The following TAX1BP1 variants were observed in gnomAD, a reference collection of about 807,000 sequenced individuals.
TAX1BP1 encodes the protein Tax1 binding protein 1.
In TAX1BP1, 62 loss-of-function variants were observed where a neutral mutation model predicts 97.7. The observed-to-expected ratio is 0.63, with a 90% CI of 0.52 to 0.78. The LOEUF is 0.78. Among genes scored for constraint, TAX1BP1 ranks in the 30% least tolerant of loss-of-function variants. The pLI is 0.00. For synonymous variants in TAX1BP1, 340 were observed against 304.2 expected, an observed-to-expected ratio of 1.12 and a Z score of -1.23; for missense variants, 867 against 916.1, an observed-to-expected ratio of 0.95 and a Z score of 0.69.
chr7:27,789,904 T>C (rs185443287), intron 8 of TAX1BP1, among the ~76,000 whole-genome samples: 17 of 152,114 alleles, frequency 1.1e-4, no homozygotes, highest in African/African-American at 3.1e-4. Context: ...AAAATTTCTC[T>C]AAGCATCTTT....
chr7:27,761,449 C>G (rs1012460224), intron 3 of TAX1BP1, among the ~76,000 whole-genome samples: 3 of 152,118 alleles, frequency 2.0e-5, no homozygotes, highest in African/African-American at 7.2e-5. Context: ...AGAACAATAA[C>G]TTCACTCCCC....
chr7:27,772,149 TTA>T (rs1788869742), intron 5 of TAX1BP1: 3 of 90,752 alleles, frequency 3.3e-5, no homozygotes, highest in African/African-American at 5.5e-5. Flanking sequence ...CAATGGACTT[TTA>T]GTTTTTTTTT....
chr7:27,811,769 G>A (rs1391972073), intron 13 of TAX1BP1, among the ~76,000 whole-genome samples: 1 of 151,954 alleles, frequency 6.6e-6, no homozygotes, highest in African/African-American at 2.4e-5. Context: ...GTCCCCTCCT[G>A]CTACCCCCCT....
chr7:27,806,058 G>A (rs1332365646), intron 13 of TAX1BP1, among the ~76,000 whole-genome samples: 2 of 151,132 alleles, frequency 1.3e-5, no homozygotes, highest in Non-Finnish European at 1.5e-5. Flanking sequence ...GAGTTCACTT[G>A]TGTTTTGTTC....
intron 1 of TAX1BP1, among the ~76,000 whole-genome samples, chr7:27,742,943 C>G (rs1337485321): frequency 6.6e-6 from 1 of 152,232 alleles, no homozygotes; most frequent in East Asian, 1.9e-4. Flanking sequence ...TTGTATACTT[C>G]TTTTGGGGAC....
intron 13 of TAX1BP1, among the ~76,000 whole-genome samples, chr7:27,812,697 C>A (rs73297523): frequency 0.041 from 6,255 of 151,882 alleles, 403 homozygotes; most frequent in African/African-American, 0.14. Flanking sequence ...ATATAAGTAC[C>A]CAGTTTTTAA....
In TAX1BP1 at chr7:27,787,403, CA is replaced by C. The variant is rs1433314503; in HGVS notation, c.853-12del. The C allele has an allele frequency of 6.4e-7, 1 of 1,570,522 alleles. No homozygotes were observed. Among genetic ancestry groups the C allele is most frequent in the Non-Finnish European group, 8.6e-7 (1 of 1,161,870 alleles). On this transcript the variant is annotated splice_polypyrimidine_tract_variant and intron_variant, in intron 7 of 16. Transcript: ENST00000396319. ...GGAGTTAGAATATTCTTGACATTTTCAAACACCATTACAGGTACATTTGAAG... is the reference window on the plus strand; with the variant it reads ...GGAGTTAGAATATTCTTGACATTTTCAACACCATTACAGGTACATTTGAAG...
At chr7:27,805,344 A>G (rs1356239523) in intron 13 of TAX1BP1, among the ~76,000 whole-genome samples, 1 of 152,148 alleles carries the variant, frequency 6.6e-6, no homozygotes, top group Non-Finnish European at 1.5e-5. Flanking sequence ...CTTGTTATAT[A>G]TATATTTTTC....
At position 27,827,988 on chromosome 7, in the gene TAX1BP1, A is replaced by G. The variant is rs369710596; in HGVS notation, c.2168+168A>G. On this transcript the variant is annotated intron_variant, in intron 16 of 16. Transcript: ENST00000396319. The stretch of plus-strand genomic sequence containing the variant: ...TGTGTTTTAACATGTCCTCCGATTT[A>G]GGGAGTTTTGTCAGAAAACATTTTT... Among the ~76,000 whole-genome samples, 125 of 152,362 alleles carry G rather than the reference A, an allele frequency of 8.2e-4. No homozygotes were observed. The South Asian group carries it at 0.026, about 31-fold the overall frequency.
At chr7:27,772,742 T>C (rs1187895567) in intron 5 of TAX1BP1, among the ~76,000 whole-genome samples, 1 of 152,072 alleles carries the variant, frequency 6.6e-6, no homozygotes, top group African/African-American at 2.4e-5. Context: ...TGGTTTAAAT[T>C]ATGTGTTTGT....
At chr7:27,763,583 A>G (rs989826510) in intron 3 of TAX1BP1, among the ~76,000 whole-genome samples, 2 of 152,160 alleles carry the variant, frequency 1.3e-5, no homozygotes, top group African/African-American at 4.8e-5. Context: ...TCTTGCCAAC[A>G]TGGTGAAACC....
intron 1 of TAX1BP1, among the ~76,000 whole-genome samples, chr7:27,746,814 CT>C (rs1312874126): frequency 2.0e-5 from 3 of 152,182 alleles, no homozygotes; most frequent in African/African-American, 7.2e-5. Flanking sequence ...TTGACAGTCT[CT>C]TTTTGGGATA....
intron 4 of TAX1BP1, among the ~76,000 whole-genome samples, chr7:27,769,342 T>A (rs1788758612): frequency 6.6e-6 from 1 of 151,990 alleles, no homozygotes; most frequent in Non-Finnish European, 1.5e-5. Context: ...TGATTATTAC[T>A]GTGGATAAGA....
intron 3 of TAX1BP1, among the ~76,000 whole-genome samples, chr7:27,761,766 C>T (rs1788437346): frequency 6.6e-6 from 1 of 152,150 alleles, no homozygotes; most frequent in Non-Finnish European, 1.5e-5. Flanking sequence ...TTGGCACTTA[C>T]AAATAATGCT....
chr7:27,819,247 C>CA (rs1790886966), intron 15 of TAX1BP1, among the ~76,000 whole-genome samples: 1 of 149,862 alleles, frequency 6.7e-6, no homozygotes, highest in Admixed American at 6.6e-5. Context: ...TGTCTTCTAA[C>CA]AAATTTAGTG....
intron 15 of TAX1BP1, among the ~76,000 whole-genome samples, chr7:27,825,280 A>T (rs17155900): frequency 0.13 from 18,633 of 148,686 alleles, 1,345 homozygotes; most frequent in African/African-American, 0.19. Flanking sequence ...TAAAAGCTTC[A>T]TTTCCAAATT....
intron 13 of TAX1BP1, among the ~76,000 whole-genome samples, chr7:27,800,732 A>C (rs754924519): frequency 4.6e-5 from 7 of 152,182 alleles, no homozygotes; most frequent in Non-Finnish European, 8.8e-5. Context: ...CAAGTGATGT[A>C]ATCTTAACTG....
intron 13 of TAX1BP1, among the ~76,000 whole-genome samples, chr7:27,812,409 G>T (rs958373762): frequency 1.3e-5 from 2 of 152,022 alleles, no homozygotes; most frequent in East Asian, 3.9e-4. Context: ...AGATATTTTG[G>T]TGTTATTTTC....
chr7:27,822,845 A>G (rs1398047198), intron 15 of TAX1BP1, among the ~76,000 whole-genome samples: 2 of 152,168 alleles, frequency 1.3e-5, no homozygotes, highest in African/African-American at 4.8e-5. Flanking sequence ...TGTTATACCT[A>G]AGAAACCATG....
Sources: allele counts gnomAD v4.1 joint callset (sites outside exome capture counted in the v4.1 genomes callset), GRCh38; gene constraint gnomAD v4.1.1; transcripts MANE v1.5; gene names NCBI Gene and HGNC (gene_info 2026-07-23, HGNC 2026-07-21).